Variants in ATP10B observed in about 807,000 individuals in gnomAD.
ATP10B encodes ATPase phospholipid transporting 10B (putative).
A neutral mutation model predicts 141.2 loss-of-function variants in ATP10B; 122 were observed. The ratio of observed to expected loss-of-function variants is 0.86; its 90% CI spans 0.75 to 1.00. The LOEUF (loss-of-function observed/expected upper bound fraction) is 1.00, where lower values mean the gene tolerates loss of function less well. Ranked by LOEUF, ATP10B falls within the 50% of genes least tolerant of loss-of-function variation. The probability of loss-of-function intolerance (pLI) is 0.00; values close to 1 mark genes in which losing one functional copy is unlikely to be tolerated. For synonymous variants in ATP10B, 685 were observed against 692.0 expected (o/e 0.99, Z 0.16); for missense variants, 1,876 against 1,825.3 (o/e 1.03, Z -0.51).
At chr5:160,851,629 T>G (rs1167265750) in intron 1 of ATP10B, among the ~76,000 whole-genome samples, 3 of 152,188 alleles carry the variant, frequency 2.0e-5, no homozygotes, top group African/African-American at 7.2e-5. Flanking sequence ...CAGGCTGCAC[T>G]GGATGAATGC....
At chr5:160,692,029 T>TG (rs775743869) in intron 3 of ATP10B, among the ~76,000 whole-genome samples, 5 of 152,220 alleles carry the variant, frequency 3.3e-5, no homozygotes, top group Admixed American at 2.6e-4. Context: ...AATCTTGCCT[T>TG]GGTTAATGCC....
intron 2 of ATP10B, among the ~76,000 whole-genome samples, chr5:160,735,785 A>G (rs550972938): frequency 1.3e-5 from 2 of 152,338 alleles, no homozygotes; most frequent in East Asian, 3.9e-4. Flanking sequence ...TTGAAATAAT[A>G]TCAAGCATCT....
intron 1 of ATP10B, among the ~76,000 whole-genome samples, chr5:160,824,533 C>T (rs1198989524): frequency 1.3e-5 from 2 of 152,128 alleles, no homozygotes; most frequent in East Asian, 1.9e-4. Context: ...GTGATTTCAT[C>T]GTTGTGTGTA....
chr5:160,863,572 C>T, the ATP10B span, among the ~76,000 whole-genome samples: 2 of 151,742 alleles, frequency 1.3e-5, no homozygotes, highest in African/African-American at 2.4e-5. Flanking sequence ...AAGAACAAAC[C>T]AAATCCAAAC....
At chr5:160,781,087 T>G (rs975532790) in intron 2 of ATP10B, among the ~76,000 whole-genome samples, 4 of 152,214 alleles carry the variant, frequency 2.6e-5, no homozygotes, top group African/African-American at 4.8e-5. Flanking sequence ...TTTATGTGCT[T>G]CTTTTTGTTG....
chr5:160,917,162 G>A, the ATP10B span, among the ~76,000 whole-genome samples: 69 of 151,890 alleles, frequency 4.5e-4, no homozygotes, highest in African/African-American at 1.6e-3. Flanking sequence ...CTGTCCATTT[G>A]TCTTATAAGA....
At chr5:160,906,983 T>G in the ATP10B span, among the ~76,000 whole-genome samples, 1 of 152,122 alleles carries the variant, frequency 6.6e-6, no homozygotes, top group Admixed American at 6.5e-5. Context: ...AATGGGTATT[T>G]GTTATTTGTG....
Position 160,565,589 on chromosome 5 carries a change from G to T in ATP10B, c.4250C>A (p.Ser1417Tyr). ...CTCCCCGGATGAGAGTTGAGCTGAG[G>T]AGTCCCCTGAGCATGAGTCATCCCT... ...CMRDDSCSGDSSAQLSSGEHL... is the reference protein window; with the variant it reads ...CMRDDSCSGDYSAQLSSGEHL... The change falls in exon 26 of 26, where the codon TCC becomes TAC. Residue 1417 changes from serine (S) to tyrosine (Y), a missense_variant. Ser to Tyr is a moderately radical substitution (Grantham distance 144, BLOSUM62 -2). Transcript: ENST00000327245. 3 of 1,614,118 alleles carry T rather than the reference G, an allele frequency of 1.9e-6. No homozygotes were observed. Among genetic ancestry groups the T allele is most frequent in the East Asian group, 2.2e-5 (1 of 44,860 alleles).
At chr5:160,693,236 G>A (rs1033108636) in intron 3 of ATP10B, among the ~76,000 whole-genome samples, 8 of 151,934 alleles carry the variant, frequency 5.3e-5, no homozygotes, top group Non-Finnish European at 7.4e-5. Flanking sequence ...ATTGGACAAT[G>A]GGCAAAATCT....
the ATP10B span, among the ~76,000 whole-genome samples, chr5:160,885,183 T>A: frequency 6.6e-6 from 1 of 152,190 alleles, no homozygotes; most frequent in Non-Finnish European, 1.5e-5. Flanking sequence ...CATAAGTGAA[T>A]GAATAAGTAA....
At chr5:160,829,513 G>T (rs571630451) in intron 1 of ATP10B, among the ~76,000 whole-genome samples, 2 of 152,164 alleles carry the variant, frequency 1.3e-5, no homozygotes, top group South Asian at 2.1e-4. Flanking sequence ...ACATTGGTAG[G>T]TTGATAGGAA....
At chr5:160,592,275 C>T (rs1756359472) in intron 22 of ATP10B, among the ~76,000 whole-genome samples, 1 of 152,162 alleles carries the variant, frequency 6.6e-6, no homozygotes, top group South Asian at 2.1e-4. Context: ...AGCTATAAAT[C>T]CCAAGGGTTC....
intron 2 of ATP10B, among the ~76,000 whole-genome samples, chr5:160,737,687 TG>T (rs1767216634): frequency 6.6e-6 from 1 of 152,030 alleles, no homozygotes; most frequent in African/African-American, 2.4e-5. Flanking sequence ...TAACCAAAGA[TG>T]TAGGTTGGCT....
At chr5:160,815,332 T>C (rs1420461380) in intron 1 of ATP10B, among the ~76,000 whole-genome samples, 1 of 152,114 alleles carries the variant, frequency 6.6e-6, no homozygotes, top group East Asian at 1.9e-4. Context: ...AAGCAGCAGT[T>C]GCAATCCTGG....
chr5:160,591,062 G>A lies in ATP10B; in HGVS notation c.3642C>T (p.Tyr1214=). 5 of 1,613,018 alleles carry A rather than the reference G, an allele frequency of 3.1e-6. No homozygotes were observed. The highest frequency in any genetic ancestry group is 3.4e-6 in the Non-Finnish European group (4 of 1,179,386). Residue 1214 remains tyrosine, a synonymous_variant, in exon 23 of 26, where the codon TAC becomes TAT. Coordinates refer to ENST00000327245, the MANE Select transcript of ATP10B (RefSeq NM_025153.3). ...YQSLICFFIP[Y]LAYKGSDIDV... ...AGAATGGGACTACATGACTTACCAG[G>A]TAAGGGATAAAGAAACAGATGAGGC...
intron 22 of ATP10B, among the ~76,000 whole-genome samples, chr5:160,595,304 C>T (rs12651921): frequency 0.69 from 97,620 of 141,126 alleles, 33,379 homozygotes; most frequent in East Asian, 0.8. Context: ...GGGTACATAA[C>T]GAAATGAAGG....
intron 1 of ATP10B, among the ~76,000 whole-genome samples, chr5:160,801,002 A>T (rs924610711): frequency 1.1e-4 from 17 of 152,124 alleles, no homozygotes; most frequent in African/African-American, 4.1e-4. Context: ...CATGCTGTAG[A>T]ATCCTTGCCA....
the ATP10B span, among the ~76,000 whole-genome samples, chr5:160,916,567 A>G: frequency 1.3e-5 from 2 of 152,204 alleles, no homozygotes; most frequent in Admixed American, 1.3e-4. Context: ...TAAGCATCGC[A>G]CATGTTTAAC....
chr5:160,887,436 G>A, the ATP10B span, among the ~76,000 whole-genome samples: 1 of 151,992 alleles, frequency 6.6e-6, no homozygotes, highest in Non-Finnish European at 1.5e-5. Context: ...GAAAACACAG[G>A]TTCAGAACCC....
Sources: allele counts gnomAD v4.1 joint callset (sites outside exome capture counted in the v4.1 genomes callset), GRCh38; gene constraint gnomAD v4.1.1; transcripts MANE v1.5; gene names NCBI Gene and HGNC (gene_info 2026-07-23, HGNC 2026-07-21).